The following TXNL4B variants were observed in gnomAD, a reference collection of about 807,000 sequenced individuals.
TXNL4B encodes the protein thioredoxin-like protein 4B.
A neutral mutation model predicts 13.0 loss-of-function variants in TXNL4B; 12 were observed. The ratio of observed to expected loss-of-function variants is 0.92; its 90% CI spans 0.59 to 1.49. TXNL4B has a LOEUF of 1.49. Among genes scored for constraint, TXNL4B ranks in the 40% most tolerant of loss-of-function variants. The pLI is 0.00. For synonymous variants in TXNL4B, 59 were observed against 58.9 expected, an observed-to-expected ratio of 1.00 and a Z score of -0.01; for missense variants, 214 against 173.6, an observed-to-expected ratio of 1.23 and a Z score of -1.31.
In TXNL4B at chr16:72,089,721, A is replaced by G. The variant is rs148288246; in HGVS notation, c.133-583T>C. Among the ~76,000 whole-genome samples the G allele has an allele frequency of 1.7e-3, 266 of 152,378 alleles. 1 individual carries two copies. The highest frequency in any genetic ancestry group is 2.9e-3 in the Admixed American group (44 of 15,304). On this transcript the variant is annotated intron_variant, in intron 2 of 3. Transcript: ENST00000268483. ...AATCCTCCCAGAAATGAAAACCACG[A>G]TAATTAGTAGCAGACACTTATATAA...
chr16:72,088,984 T>G lies in TXNL4B; in HGVS notation c.284+3A>C, dbSNP rs1474321322. 6.3e-7 allele frequency: 1 copy of G among 1,594,670 alleles called. No individual in the cohort carries two copies. Among genetic ancestry groups the G allele is most frequent in the East Asian group, 2.2e-5 (1 of 44,498 alleles). ...CAATTAACTTCAGATCAACTGCACTTACCCATAATCCACTTTCATATGCTG... is the reference window on the plus strand; with the variant it reads ...CAATTAACTTCAGATCAACTGCACTGACCCATAATCCACTTTCATATGCTG... On this transcript the variant is annotated splice_donor_region_variant and intron_variant, in intron 3 of 3. Transcript: ENST00000268483.
chr16:72,089,056 T>TA lies in TXNL4B; in HGVS notation c.214dup (p.Tyr72LeufsTer3). 6.2e-7 allele frequency: 1 copy of TA among 1,611,730 alleles called. No homozygotes were observed. The highest frequency in any genetic ancestry group is 1.1e-5 in the South Asian group (1 of 90,960). Reference sequence around the variant, plus strand: ...AGATGGAATATAACTGATGTCAAAATACTGTGTATAAACTGCAGTTTGGTC... The same window carrying TA: ...AGATGGAATATAACTGATGTCAAAATAACTGTGTATAAACTGCAGTTTGGTC... On this transcript the variant is annotated frameshift_variant, in exon 3 of 4. Transcript: ENST00000268483. LOFTEE classifies it high-confidence loss of function.
At position 72,085,350 on chromosome 16, in the gene TXNL4B, G is replaced by A. The variant is rs1460841041; in HGVS notation, c.*1287C>T. On this transcript the variant is annotated 3_prime_UTR_variant, in exon 4 of 4. Transcript: ENST00000268483. ...GCAGGTCACAAGCTGCCTCACCCAT[G>A]GCTCTCCAGCTCTGCACCTACCCTC... 1.6e-5 allele frequency: 4 copies of A among 243,838 alleles called. No homozygotes were observed. Among genetic ancestry groups the A allele is most frequent in the Non-Finnish European group, 3.1e-5 (4 of 128,718 alleles). The allele number at this position is 243,838 out of a possible 1,614,324, so 15.1% of individuals were successfully genotyped here. A position where few individuals can be genotyped will look rare whatever the true frequency, so the allele number is the denominator to read the frequency against.
At chr16:72,087,653 G>GT (rs11351939) in intron 3 of TXNL4B, among the ~76,000 whole-genome samples, 39 of 150,152 alleles carry the variant, frequency 2.6e-4, no homozygotes, top group East Asian at 1.6e-3. Context: ...ATACTTTTGT[G>GT]TTTTTTTTTT....
upstream of TXNL4B, chr16:72,094,116 A>G (rs941923627): frequency 6.6e-6 from 1 of 152,320 alleles, no homozygotes; most frequent in Non-Finnish European, 1.5e-5. Flanking sequence ...GGCGGCGGAT[A>G]TTGGTCCCCT....
chr16:72,090,894 A>C, intron 1 of TXNL4B, 108 bp from the exon 2 acceptor site: 1 of 880,152 alleles, frequency 1.1e-6, no homozygotes, highest in African/African-American at 1.7e-5. Flanking sequence ...GTATGAAAGA[A>C]ACATCATAGA....
At chr16:72,087,326 TTGTGTGTGTGTGTGTGTGTGTG>T (rs71391437) in intron 3 of TXNL4B, 1 of 141,834 alleles carries the variant, frequency 7.1e-6, no homozygotes, top group African/African-American at 2.6e-5. Flanking sequence ...CCTTCCAATC[TTGTGTGTGTGTGTGTGTGTGTG>T]TGTGTGTGTG....
At chr16:72,091,534 T>A (rs2041904653) in intron 1 of TXNL4B, among the ~76,000 whole-genome samples, 1 of 152,238 alleles carries the variant, frequency 6.6e-6, no homozygotes. Flanking sequence ...ACACACACTT[T>A]ATCTACTCTT....
intron 1 of TXNL4B, among the ~76,000 whole-genome samples, chr16:72,093,060 C>T (rs1452132286): frequency 5.3e-5 from 8 of 152,106 alleles, no homozygotes; most frequent in Non-Finnish European, 1.0e-4. Context: ...GGTCTCAACT[C>T]CCCAGGCTCA....
At chr16:72,088,060 C>T (rs1333498140) in intron 3 of TXNL4B, among the ~76,000 whole-genome samples, 1 of 152,192 alleles carries the variant, frequency 6.6e-6, no homozygotes, top group African/African-American at 2.4e-5. Context: ...ACCTCATAAT[C>T]TGCCTGCCTC....
At position 72,091,738 on chromosome 16, in the gene TXNL4B, C is replaced by T. The variant is rs148605158; in HGVS notation, c.-37-952G>A. Among the ~76,000 whole-genome samples, 9 of 152,280 alleles carry T rather than the reference C, an allele frequency of 5.9e-5. No homozygotes were observed. In the East Asian group the frequency reaches 1.7e-3, roughly 29 times the overall value. ...TTCTTCGTGTGCACCTTACTAGGTGCACCTCATTACACGGCAAACAGATCA... is the reference window on the plus strand; with the variant it reads ...TTCTTCGTGTGCACCTTACTAGGTGTACCTCATTACACGGCAAACAGATCA... On this transcript the variant is annotated intron_variant, in intron 1 of 3. Transcript: ENST00000268483.
rs142074552 is a variant in TXNL4B at position 72,091,739 on chromosome 16, A to C, written c.-37-953T>G. On this transcript the variant is annotated intron_variant, in intron 1 of 3. Coordinates refer to ENST00000268483, the MANE Select transcript of TXNL4B (RefSeq NM_017853.3). The stretch of plus-strand genomic sequence containing the variant: ...TCTTCGTGTGCACCTTACTAGGTGC[A>C]CCTCATTACACGGCAAACAGATCAA... 9.8e-4 allele frequency among the ~76,000 whole-genome samples: 149 copies of C among 152,330 alleles called. 1 individual carries two copies. The highest frequency in any genetic ancestry group is 1.7e-3 in the Non-Finnish European group (115 of 68,018).
chr16:72,090,907 G>A, intron 1 of TXNL4B, 121 bp from the exon 2 acceptor site: 1 of 796,056 alleles, frequency 1.3e-6, no homozygotes, highest in Non-Finnish European at 1.9e-6. Context: ...ATCATAGAAA[G>A]GTAACACTGT....
intron 2 of TXNL4B, chr16:72,090,013 T>C (rs1209262333): frequency 2.2e-6 from 1 of 445,582 alleles, no homozygotes; most frequent in African/African-American, 2.0e-5. Context: ...AATCCTCTGG[T>C]CCTTTTTTCC....
intron 1 of TXNL4B, among the ~76,000 whole-genome samples, chr16:72,091,201 G>A (rs917305904): frequency 2.0e-5 from 3 of 152,176 alleles, no homozygotes; most frequent in East Asian, 1.9e-4. Context: ...ATACGGTAAA[G>A]TGTACTACTT....
upstream of TXNL4B, chr16:72,094,167 C>T (rs1393002571): frequency 6.5e-6 from 1 of 152,906 alleles, no homozygotes; most frequent in African/African-American, 2.4e-5. Flanking sequence ...CCTCTGTCGT[C>T]CCTGTCACCC....
In TXNL4B at chr16:72,086,784, CTT is replaced by C; in HGVS notation, c.301_302del (p.Lys101ValfsTer16). 5 of 1,611,160 alleles carry C rather than the reference CTT, an allele frequency of 3.1e-6. No individual in the cohort carries two copies. Among genetic ancestry groups the C allele is most frequent in the Non-Finnish European group, 4.2e-6 (5 of 1,177,778 alleles). ...KVDYGSPDHTKFVGSFKTKQD... is the reference protein window; with the variant it reads ...KVDYGSPDHTXFVGSFKTKQD... ...GTTTGGTTTTGAAGCTTCCCACAAA[CTT>C]AGTGTGATCTGGAGATCTAGACAGC... On this transcript the variant is annotated frameshift_variant, in exon 4 of 4. Coordinates refer to ENST00000268483, the MANE Select transcript of TXNL4B (RefSeq NM_017853.3). LOFTEE classifies it high-confidence loss of function.
At chr16:72,094,194 C>T (rs2041970337), upstream of TXNL4B, 1 of 153,106 alleles carries the variant, frequency 6.5e-6, no homozygotes, top group East Asian at 1.9e-4. Flanking sequence ...CCTTACTCAC[C>T]TCAGGGATGC....
At chr16:72,091,609 T>C (rs1476620766) in intron 1 of TXNL4B, among the ~76,000 whole-genome samples, 1 of 152,226 alleles carries the variant, frequency 6.6e-6, no homozygotes, top group Non-Finnish European at 1.5e-5. Flanking sequence ...ATAGAGAACA[T>C]CCATATTCTC....
Sources: allele counts gnomAD v4.1 joint callset (sites outside exome capture counted in the v4.1 genomes callset), GRCh38; gene constraint gnomAD v4.1.1; transcripts MANE v1.5; gene names NCBI Gene and HGNC (gene_info 2026-07-23, HGNC 2026-07-21).